Variants in RNF43 observed in about 807,000 individuals in gnomAD.
RNF43 encodes the protein E3 ubiquitin-protein ligase RNF43.
A neutral mutation model predicts 78.4 loss-of-function variants in RNF43; 37 were observed. The observed-to-expected ratio is 0.47, with a 90% CI of 0.36 to 0.62. The LOEUF is 0.62. Among genes scored for constraint, RNF43 ranks in the 20% least tolerant of loss-of-function variants. The pLI is 0.00. For synonymous variants in RNF43, 347 were observed against 395.0 expected, an observed-to-expected ratio of 0.88 and a Z score of 1.44; for missense variants, 774 against 1,007.9, an observed-to-expected ratio of 0.77 and a Z score of 3.14.
intron 2 of RNF43, among the ~76,000 whole-genome samples, chr17:58,376,366 T>C (rs918795557): frequency 7.9e-5 from 7 of 88,182 alleles, no homozygotes; most frequent in Admixed American, 5.8e-4. Context: ...GGTGTTAGAT[T>C]TGATAAAAAA....
chr17:58,376,375 A>T (rs1214774291), intron 2 of RNF43, among the ~76,000 whole-genome samples: 13 of 151,928 alleles, frequency 8.6e-5, no homozygotes, highest in Non-Finnish European at 1.6e-4. Context: ...TTTGATAAAA[A>T]AAATAAATAA....
chr17:58,372,593 C>T (rs558770860), intron 2 of RNF43, among the ~76,000 whole-genome samples: 2 of 152,316 alleles, frequency 1.3e-5, no homozygotes, highest in African/African-American at 4.8e-5. Flanking sequence ...AGGCTCTGTC[C>T]AATGCAGTGA....
At chr17:58,367,423 A>G (rs1972980921) in intron 3 of RNF43, among the ~76,000 whole-genome samples, 1 of 152,218 alleles carries the variant, frequency 6.6e-6, no homozygotes, top group Non-Finnish European at 1.5e-5. Flanking sequence ...GCTCAGAGGA[A>G]CTGAATAATT....
At chr17:58,384,110 A>G (rs182175031) in intron 2 of RNF43, among the ~76,000 whole-genome samples, 31 of 152,362 alleles carry the variant, frequency 2.0e-4, no homozygotes, top group Middle Eastern at 6.8e-3. Flanking sequence ...TTTGTGAACT[A>G]TGAGCTCTTT....
Position 58,360,062 on chromosome 17 carries a change from C to T in RNF43, c.952+87G>A. 2 of 1,003,812 alleles carry T rather than the reference C, an allele frequency of 2.0e-6. No homozygotes were observed. The highest frequency in any genetic ancestry group is 3.1e-6 in the Non-Finnish European group (2 of 635,546). 62.2% of individuals were successfully genotyped at this position (1,003,812 alleles called of 1,614,324 possible). Reference sequence around the variant, plus strand: ...GGTGGCAGTTCTGCTTTCTCCCCAGCTTCAAGGCTGCAACCCTTTCCCAAA... The same window carrying T: ...GGTGGCAGTTCTGCTTTCTCCCCAGTTTCAAGGCTGCAACCCTTTCCCAAA... On this transcript the variant is annotated intron_variant, in intron 8 of 9. Coordinates refer to ENST00000407977, the MANE Select transcript of RNF43 (RefSeq NM_017763.6). This position sits in a 1 kb window ranked among gnomAD's most constrained non-coding sequence, Gnocchi z 4.3.
At chr17:58,368,727 A>G (rs1973009364) in intron 3 of RNF43, among the ~76,000 whole-genome samples, 1 of 150,262 alleles carries the variant, frequency 6.7e-6, no homozygotes, top group African/African-American at 2.4e-5. Context: ...AAAAAAAAAA[A>G]GAAAAAAGAA....
Position 58,357,975 on chromosome 17 carries a change from A to T in RNF43, c.1801T>A (p.Ser601Thr), listed in dbSNP as rs751001722. The change falls in exon 9 of 10, where the codon TCC becomes ACC. Residue 601 changes from serine (S) to threonine (T), a missense_variant. Transcript: ENST00000407977. The surrounding 1 kb of genome is among the most constrained non-coding windows in gnomAD (Gnocchi z 4.5). ...CGCCCCGAAGGGGCTGCTGAGTTGG[A>T]TCTGGTGACTTGCTGATCAGGAGAA... ...PPSPDQQVTR[S>T]NSAAPSGRLS... is the part of the protein sequence containing the mutation. 17 of 1,609,520 alleles carry T rather than the reference A, an allele frequency of 1.1e-5. No individual in the cohort carries two copies. The highest frequency in any genetic ancestry group is 1.3e-5 in the Non-Finnish European group (15 of 1,178,122).
intron 8 of RNF43, among the ~76,000 whole-genome samples, chr17:58,359,206 T>A (rs1858143866): frequency 6.6e-6 from 1 of 152,228 alleles, no homozygotes; most frequent in Admixed American, 6.5e-5. Flanking sequence ...TAGAATAGAA[T>A]ATTTTATTGC....
At chr17:58,368,900 A>G (rs1252950626) in intron 3 of RNF43, among the ~76,000 whole-genome samples, 1 of 152,140 alleles carries the variant, frequency 6.6e-6, no homozygotes, top group East Asian at 1.9e-4. Flanking sequence ...TAGCTCAAAG[A>G]CTCATAGGAG....
intron 2 of RNF43, among the ~76,000 whole-genome samples, chr17:58,381,911 A>G (rs1285856110): frequency 4.6e-5 from 3 of 64,714 alleles, no homozygotes. Context: ...TTCTATAGAG[A>G]AAAAAAATGG....
chr17:58,379,143 G>C (rs577169091), intron 2 of RNF43, among the ~76,000 whole-genome samples: 1 of 152,116 alleles, frequency 6.6e-6, no homozygotes, highest in African/African-American at 2.4e-5. Flanking sequence ...GGGTATGCAC[G>C]CTGGGGAGGC....
chr17:58,364,895 G>T (rs1972916692), intron 3 of RNF43, among the ~76,000 whole-genome samples: 1 of 152,232 alleles, frequency 6.6e-6, no homozygotes, highest in Non-Finnish European at 1.5e-5. Flanking sequence ...CCTTGCTCCA[G>T]CTCTCTGTTC....
At chr17:58,355,676 C>T (rs1401151423) in intron 9 of RNF43, among the ~76,000 whole-genome samples, 1 of 152,156 alleles carries the variant, frequency 6.6e-6, no homozygotes, top group African/African-American at 2.4e-5. Flanking sequence ...TTGGATTTTT[C>T]CTCTCTGTGG....
intron 2 of RNF43, among the ~76,000 whole-genome samples, chr17:58,414,408 G>T (rs1440171399): frequency 6.6e-6 from 1 of 152,224 alleles, no homozygotes; most frequent in African/African-American, 2.4e-5. Context: ...GTGTCCAGTA[G>T]CTACAGCAAG....
At chr17:58,374,836 C>T (rs548468469) in intron 2 of RNF43, among the ~76,000 whole-genome samples, 41 of 152,210 alleles carry the variant, frequency 2.7e-4, no homozygotes, top group East Asian at 7.7e-4. Context: ...GACGTTTCTA[C>T]CTTAATAATC....
chr17:58,361,058 C>T (rs1449011600), intron 6 of RNF43, 114 bp from the exon 7 acceptor site: 6 of 1,132,216 alleles, frequency 5.3e-6, no homozygotes, highest in Non-Finnish European at 6.0e-6. Context: ...GCCAGTTGAA[C>T]ATCCTTAGGA....
intron 2 of RNF43, among the ~76,000 whole-genome samples, chr17:58,409,674 G>A (rs558212394): frequency 9.9e-5 from 15 of 152,068 alleles, no homozygotes; most frequent in African/African-American, 2.4e-4. Flanking sequence ...CACCTGGCCC[G>A]GGAATACCTT....
chr17:58,379,464 C>T (rs1973269283), intron 2 of RNF43, among the ~76,000 whole-genome samples: 1 of 152,210 alleles, frequency 6.6e-6, no homozygotes, highest in Non-Finnish European at 1.5e-5. Flanking sequence ...AATTAGAGGT[C>T]ACAGAAGCTC....
intron 2 of RNF43, among the ~76,000 whole-genome samples, chr17:58,394,724 C>T (rs1313134651): frequency 6.6e-6 from 1 of 152,236 alleles, no homozygotes; most frequent in Non-Finnish European, 1.5e-5. Flanking sequence ...TAGATGAATA[C>T]TTCCAAGAAT....
Sources: gnomAD v4.1 joint callset for allele counts (sites outside exome capture counted in the v4.1 genomes callset) on GRCh38, gnomAD v4.1.1 for gene constraint, Gnocchi (gnomAD v3.1) non-coding constraint, MANE v1.5 for transcripts, NCBI Gene and HGNC (gene_info 2026-07-23, HGNC 2026-07-21) for gene names.